Variants in FHIP1A observed in about 807,000 individuals in gnomAD.
FHIP1A encodes FHF complex subunit HOOK-interacting protein 1A.
In FHIP1A, 61 loss-of-function variants were observed where a neutral mutation model predicts 88.6. The observed-to-expected ratio is 0.69, with a 90% confidence interval of 0.56 to 0.85. FHIP1A has a LOEUF of 0.85. Among genes scored for constraint, FHIP1A ranks in the 40% least tolerant of loss-of-function variants. The pLI, the probability that FHIP1A is intolerant of heterozygous loss-of-function variation, is 0.00. For missense variants in FHIP1A, 1,154 were observed against 1,273.5 expected (o/e 0.91, Z 1.43); for synonymous variants, 478 against 496.0 (o/e 0.96, Z 0.48).
chr4:151,450,780 C>T (rs892877540), intron 1 of FHIP1A, among the ~76,000 whole-genome samples: 3 of 151,656 alleles, frequency 2.0e-5, no homozygotes, highest in Admixed American at 6.6e-5. Context: ...TTCTTTATCT[C>T]GTCTTTTTTT....
intron 9 of FHIP1A, among the ~76,000 whole-genome samples, chr4:151,644,517 A>G (rs1029469895): frequency 6.6e-5 from 10 of 151,994 alleles, no homozygotes; most frequent in African/African-American, 2.4e-4. Context: ...ACACCCGGCT[A>G]ACTCTTCTAT....
At chr4:151,525,746 C>CTTTTTTTTTTTTTTT (rs200895761) in intron 3 of FHIP1A, among the ~76,000 whole-genome samples, 1 of 128,430 alleles carries the variant, frequency 7.8e-6, no homozygotes, top group Admixed American at 7.6e-5. Flanking sequence ...CTTTGTACTT[C>CTTTTTTTTTTTTTTT]TTTTTTTTTT....
At chr4:151,432,269 A>G (rs770357009) in intron 1 of FHIP1A, among the ~76,000 whole-genome samples, 15 of 152,300 alleles carry the variant, frequency 9.8e-5, no homozygotes, top group South Asian at 8.3e-4. Flanking sequence ...TTCGTATAAG[A>G]CAAGATTCAT....
At chr4:151,496,858 G>T (rs1389463818) in intron 3 of FHIP1A, among the ~76,000 whole-genome samples, 1 of 151,456 alleles carries the variant, frequency 6.6e-6, no homozygotes, top group Non-Finnish European at 1.5e-5. Context: ...CACTGCCCTT[G>T]GCCAGGAATA....
At chr4:151,586,916 T>C (rs1325528510) in intron 6 of FHIP1A, 117 bp downstream of exon 6, 6 of 825,526 alleles carry the variant, frequency 7.3e-6, no homozygotes, top group Non-Finnish European at 1.0e-5. Flanking sequence ...TTATGGAATA[T>C]TGGTGCTTTA....
chr4:151,432,632 A>G (rs1394257195), intron 1 of FHIP1A, among the ~76,000 whole-genome samples: 1 of 152,202 alleles, frequency 6.6e-6, no homozygotes, highest in Non-Finnish European at 1.5e-5. Context: ...TTGTAACTCC[A>G]GTGTGATTCC....
intron 4 of FHIP1A, among the ~76,000 whole-genome samples, chr4:151,569,915 T>C (rs538342004): frequency 7.9e-5 from 12 of 152,206 alleles, no homozygotes; most frequent in Non-Finnish European, 1.6e-4. Flanking sequence ...AGAATCATTC[T>C]AGAGTAGACT....
At chr4:151,410,951 A>T (rs1732614418) in intron 1 of FHIP1A, among the ~76,000 whole-genome samples, 1 of 152,232 alleles carries the variant, frequency 6.6e-6, no homozygotes, top group African/African-American at 2.4e-5. Flanking sequence ...TAAACTGTGT[A>T]GGGTGGCTGG....
chr4:151,606,688 G>T (rs1300261615), intron 7 of FHIP1A, among the ~76,000 whole-genome samples: 1 of 152,080 alleles, frequency 6.6e-6, no homozygotes, highest in Non-Finnish European at 1.5e-5. Context: ...ATCACTGAAG[G>T]CTCCTGAACA....
intron 3 of FHIP1A, among the ~76,000 whole-genome samples, chr4:151,527,392 C>T (rs748785896): frequency 4.6e-5 from 7 of 152,208 alleles, no homozygotes; most frequent in African/African-American, 7.2e-5. Flanking sequence ...GGCGTGGCGG[C>T]GCACACCTGC....
At chr4:151,459,990 T>G (rs72969576) in intron 2 of FHIP1A, among the ~76,000 whole-genome samples, 1,814 of 152,300 alleles carry the variant, frequency 0.012, 32 homozygotes, top group African/African-American at 0.038. Flanking sequence ...ATCTTTAGAT[T>G]GCTATTTTGA....
chr4:151,582,795 G>A (rs892183406), intron 5 of FHIP1A, among the ~76,000 whole-genome samples: 1 of 152,132 alleles, frequency 6.6e-6, no homozygotes, highest in Non-Finnish European at 1.5e-5. Flanking sequence ...ATCAATGAAA[G>A]GCTAAAATAG....
intron 2 of FHIP1A, among the ~76,000 whole-genome samples, chr4:151,472,041 C>A (rs1729532003): frequency 6.6e-6 from 1 of 152,068 alleles, no homozygotes; most frequent in Non-Finnish European, 1.5e-5. Flanking sequence ...GTTGGTTCCA[C>A]ATTTTTGCAA....
intron 3 of FHIP1A, among the ~76,000 whole-genome samples, chr4:151,513,484 T>A (rs1029857791): frequency 6.6e-6 from 1 of 152,100 alleles, no homozygotes; most frequent in African/African-American, 2.4e-5. Flanking sequence ...GACTAAATGC[T>A]CCAATTAGAA....
At chr4:151,588,776 T>C in intron 6 of FHIP1A, 64 bp from the exon 7 acceptor site, 1 of 1,052,302 alleles carries the variant, frequency 9.5e-7, no homozygotes, top group South Asian at 1.3e-5. Flanking sequence ...CACAGAATTG[T>C]TTTATTTTAA....
chr4:151,581,369 C>T (rs1016492534), intron 5 of FHIP1A, among the ~76,000 whole-genome samples: 9 of 152,036 alleles, frequency 5.9e-5, no homozygotes. Flanking sequence ...TTGAAAAAAT[C>T]AGAGTGTTCT....
chr4:151,463,140 T>A (rs1489565932), intron 2 of FHIP1A, among the ~76,000 whole-genome samples: 1 of 152,218 alleles, frequency 6.6e-6, no homozygotes, highest in Non-Finnish European at 1.5e-5. Context: ...AATGAATACT[T>A]AACACCCTGC....
At chr4:151,463,947 T>C (rs1307870397) in intron 2 of FHIP1A, among the ~76,000 whole-genome samples, 4 of 152,226 alleles carry the variant, frequency 2.6e-5, no homozygotes, top group Non-Finnish European at 5.9e-5. Context: ...ATCCAGATCT[T>C]CCTACCAGAC....
intron 7 of FHIP1A, among the ~76,000 whole-genome samples, chr4:151,600,999 A>G (rs1398403756): frequency 6.6e-6 from 1 of 152,184 alleles, no homozygotes; most frequent in African/African-American, 2.4e-5. Flanking sequence ...TAGCAGTATT[A>G]AAGAATTTGT....
Sources: allele counts gnomAD v4.1 joint callset (sites outside exome capture counted in the v4.1 genomes callset), GRCh38; gene constraint gnomAD v4.1.1; transcripts MANE v1.5; gene names NCBI Gene and HGNC (gene_info 2026-07-23, HGNC 2026-07-21).